FAM53B: variants seen among roughly 807,000 people sequenced by gnomAD.
The protein encoded by FAM53B is protein FAM53B.
Under a neutral mutation model 32.7 loss-of-function variants are expected in FAM53B, and 12 were observed. The ratio of observed to expected loss-of-function variants is 0.37; its 90% CI spans 0.24 to 0.59. The LOEUF is 0.59. FAM53B is among the 20% of genes least tolerant of loss of function. FAM53B has a pLI of 0.72. For missense variants in FAM53B, 477 were observed against 577.7 expected (o/e 0.83, Z 1.79); for synonymous variants, 234 against 228.7 (o/e 1.02, Z -0.21).
chr10:124,649,349 G>A (rs1589737330), intron 4 of FAM53B, among the ~76,000 whole-genome samples: 1 of 152,198 alleles, frequency 6.6e-6, no homozygotes, highest in Non-Finnish European at 1.5e-5. Context: ...GGACCAGCTT[G>A]GCACCCTCTG....
intron 1 of FAM53B, among the ~76,000 whole-genome samples, chr10:124,731,040 T>C (rs562899597): frequency 7.5e-4 from 114 of 152,332 alleles, no homozygotes; most frequent in Non-Finnish European, 1.2e-3. Context: ...AGGCTATAGT[T>C]TGCCAATCCT....
At chr10:124,675,511 C>T (rs1423567927) in intron 4 of FAM53B, among the ~76,000 whole-genome samples, 1 of 152,228 alleles carries the variant, frequency 6.6e-6, no homozygotes, top group Non-Finnish European at 1.5e-5. Flanking sequence ...TTGCTGAGTG[C>T]CAACCGTGTG....
chr10:124,668,266 G>A (rs567152824), intron 4 of FAM53B, among the ~76,000 whole-genome samples: 14 of 152,308 alleles, frequency 9.2e-5, no homozygotes, highest in African/African-American at 3.4e-4. Flanking sequence ...CCAAACACAC[G>A]GCCATCTCGC....
At chr10:124,708,614 C>T (rs1589758586) in intron 1 of FAM53B, among the ~76,000 whole-genome samples, 1 of 152,270 alleles carries the variant, frequency 6.6e-6, no homozygotes, top group Admixed American at 6.5e-5. Flanking sequence ...TGTCAGCCCC[C>T]ACTGCAGGCT....
intron 4 of FAM53B, among the ~76,000 whole-genome samples, chr10:124,674,388 T>C (rs951274954): frequency 2.0e-5 from 3 of 152,226 alleles, no homozygotes. Context: ...AAGCGCTTCA[T>C]ACAAATGAAT....
intron 4 of FAM53B, among the ~76,000 whole-genome samples, chr10:124,626,637 GT>G (rs1195062125): frequency 2.6e-5 from 4 of 152,210 alleles, no homozygotes; most frequent in African/African-American, 4.8e-5. Flanking sequence ...CATTTCTGCG[GT>G]TTATACGTTC....
chr10:124,666,317 T>C (rs1949672325), intron 4 of FAM53B, among the ~76,000 whole-genome samples: 1 of 152,250 alleles, frequency 6.6e-6, no homozygotes. Flanking sequence ...AGGCCACCTC[T>C]GCCACATTCC....
chr10:124,654,882 T>C (rs530577790), intron 4 of FAM53B, among the ~76,000 whole-genome samples: 49 of 152,262 alleles, frequency 3.2e-4, no homozygotes, highest in African/African-American at 1.0e-3. Flanking sequence ...AGGAGCTCCA[T>C]GGGGGAAGTC....
At position 124,648,983 on chromosome 10, in the gene FAM53B, G is replaced by A. The variant is rs540433926; in HGVS notation, c.907-25379C>T. On this transcript the variant is annotated intron_variant, in intron 4 of 4. Coordinates refer to ENST00000337318, the MANE Select transcript of FAM53B (RefSeq NM_014661.4). ...TGGGGGATGAGAGCTGTATCCTACTGACTTGCAGAAGCAGCTGCAGGCCTG... is the reference window on the plus strand; with the variant it reads ...TGGGGGATGAGAGCTGTATCCTACTAACTTGCAGAAGCAGCTGCAGGCCTG... Among the ~76,000 whole-genome samples the A allele has an allele frequency of 5.9e-5, 9 of 152,360 alleles. No homozygotes were observed. The East Asian group carries it at 1.4e-3, about 23-fold the overall frequency.
intron 1 of FAM53B, among the ~76,000 whole-genome samples, chr10:124,710,624 C>T (rs759321805): frequency 3.3e-5 from 5 of 152,216 alleles, no homozygotes; most frequent in South Asian, 4.1e-4. Flanking sequence ...TCCCACAGGG[C>T]GCGAGGTGGA....
At chr10:124,739,887 T>A (rs1950191095) in intron 1 of FAM53B, among the ~76,000 whole-genome samples, 1 of 152,052 alleles carries the variant, frequency 6.6e-6, no homozygotes, top group African/African-American at 2.4e-5. Context: ...TTTTCTCGGG[T>A]TCCTAAGGCT....
chr10:124,743,060 T>A (rs2134108540), intron 1 of FAM53B: 1 of 150,456 alleles, frequency 6.6e-6, no homozygotes, highest in Non-Finnish European at 1.5e-5. Context: ...GTCCGCGCGG[T>A]TCGTCGCTGC....
intron 1 of FAM53B, among the ~76,000 whole-genome samples, chr10:124,712,061 A>T (rs1307049224): frequency 6.6e-6 from 1 of 152,158 alleles, no homozygotes; most frequent in Non-Finnish European, 1.5e-5. Context: ...CTTATATCAA[A>T]AGAAATAATT....
intron 1 of FAM53B, among the ~76,000 whole-genome samples, chr10:124,734,688 G>A (rs575583467): frequency 6.6e-6 from 1 of 152,176 alleles, no homozygotes; most frequent in African/African-American, 2.4e-5. Flanking sequence ...AGAACCTAGT[G>A]AACAGCATGA....
intron 4 of FAM53B, among the ~76,000 whole-genome samples, chr10:124,661,943 C>T (rs957299441): frequency 6.6e-6 from 1 of 152,234 alleles, no homozygotes; most frequent in Non-Finnish European, 1.5e-5. Flanking sequence ...CAGGTCTGGG[C>T]TCCGATCGGT....
intron 1 of FAM53B, among the ~76,000 whole-genome samples, chr10:124,707,380 G>T (rs1589758081): frequency 6.6e-6 from 1 of 152,180 alleles, no homozygotes; most frequent in East Asian, 1.9e-4. Flanking sequence ...TCAGCATGCT[G>T]GCTCCCTTCT....
At chr10:124,685,228 G>A (rs984668597) in intron 3 of FAM53B, among the ~76,000 whole-genome samples, 1 of 152,224 alleles carries the variant, frequency 6.6e-6, no homozygotes, top group Non-Finnish European at 1.5e-5. Context: ...CAGACAGCTG[G>A]TTGGTTAATT....
intron 4 of FAM53B, among the ~76,000 whole-genome samples, chr10:124,625,316 G>C (rs910282913): frequency 6.6e-6 from 1 of 152,230 alleles, no homozygotes; most frequent in African/African-American, 2.4e-5. Context: ...AACTGAGAAA[G>C]GTGAAGGCTG....
rs1949856900 is a variant in FAM53B at position 124,694,617 on chromosome 10, C to T, written c.133+1541G>A. On this transcript the variant is annotated intron_variant, in intron 3 of 4. Coordinates refer to ENST00000337318, the MANE Select transcript of FAM53B (RefSeq NM_014661.4). The stretch of plus-strand genomic sequence containing the variant: ...GGTTGAGGGGCTGGGCATGCCGGGG[C>T]CTCTCTCTTTCCCAGCATGACGCAG... Among the ~76,000 whole-genome samples the T allele has an allele frequency of 2.0e-5, 3 of 152,214 alleles. 1 individual carries two copies. In the South Asian group the frequency reaches 6.2e-4, roughly 31 times the overall value.
Sources: allele counts gnomAD v4.1 joint callset (sites outside exome capture counted in the v4.1 genomes callset), GRCh38; gene constraint gnomAD v4.1.1; transcripts MANE v1.5; gene names NCBI Gene and HGNC (gene_info 2026-07-23, HGNC 2026-07-21).